KHDRBS2: variants seen among roughly 807,000 people sequenced by gnomAD.
KHDRBS2 encodes KH RNA binding domain containing, signal transduction associated 2, also known as KH domain-containing, RNA-binding, signal transduction-associated protein 2.
KHDRBS2 carries 26 observed loss-of-function variants against 44.3 expected under a neutral mutation model. That is an observed-to-expected ratio of 0.59 (90% CI 0.43 to 0.81). The LOEUF is 0.81. Among genes scored for constraint, KHDRBS2 ranks in the 40% least tolerant of loss-of-function variants. KHDRBS2 has a pLI of 0.00. For missense variants in KHDRBS2, 476 were observed against 433.1 expected (o/e 1.10, Z -0.88); for synonymous variants, 194 against 151.1 (o/e 1.28, Z -2.08).
At chr6:62,006,246 A>G (rs1779199014) in intron 3 of KHDRBS2, among the ~76,000 whole-genome samples, 1 of 152,034 alleles carries the variant, frequency 6.6e-6, no homozygotes, top group Non-Finnish European at 1.5e-5. Flanking sequence ...CTTAAAGGCA[A>G]CAATGGAAGA....
chr6:62,190,007 A>G (rs1824261102), intron 1 of KHDRBS2, among the ~76,000 whole-genome samples: 1 of 152,110 alleles, frequency 6.6e-6, no homozygotes, highest in Admixed American at 6.6e-5. Context: ...TCGAATTTAT[A>G]GGAGTGGGAG....
the KHDRBS2 span, among the ~76,000 whole-genome samples, chr6:61,612,239 T>C: frequency 1.3e-5 from 2 of 152,198 alleles, no homozygotes; most frequent in East Asian, 3.8e-4. Flanking sequence ...GGACACTTTT[T>C]CTAGATCCTC....
At chr6:61,877,893 T>A (rs546855937) in intron 6 of KHDRBS2, among the ~76,000 whole-genome samples, 1 of 151,926 alleles carries the variant, frequency 6.6e-6, no homozygotes, top group Non-Finnish European at 1.5e-5. Flanking sequence ...TTCATAAAAA[T>A]TATCTAAAAT....
intron 6 of KHDRBS2, among the ~76,000 whole-genome samples, chr6:61,789,948 T>C (rs2127584953): frequency 6.6e-6 from 1 of 151,616 alleles, no homozygotes; most frequent in South Asian, 2.1e-4. Flanking sequence ...CATGAGATGA[T>C]TATTATAATG....
At chr6:61,670,800 AGTT>A in the KHDRBS2 span, among the ~76,000 whole-genome samples, 1 of 149,960 alleles carries the variant, frequency 6.7e-6, no homozygotes. Context: ...TAATGTTAAC[AGTT>A]GTTATTTTTC....
At chr6:61,563,285 T>C in the KHDRBS2 span, among the ~76,000 whole-genome samples, 27 of 152,228 alleles carry the variant, frequency 1.8e-4, no homozygotes, top group South Asian at 5.6e-3. Flanking sequence ...GCTACTAGTA[T>C]GCAAATATGA....
In KHDRBS2 at chr6:61,901,249, A is replaced by G. The variant is rs746154455; in HGVS notation, c.606T>C (p.Pro202=). ...TAAAGTAAGAATGAATGTACCTTGA[A>G]GGAGCTGTGGGAGCTATTCTGATCC... ...GRGIRIAPTA[P]SRGRGGAIPP... is the part of the protein sequence containing the mutation. Residue 202 remains proline, a synonymous_variant, in exon 5 of 9, where the codon CCT becomes CCC. Transcript: ENST00000281156. 3 of 1,611,958 alleles carry G rather than the reference A, an allele frequency of 1.9e-6. No individual in the cohort carries two copies. Among genetic ancestry groups the G allele is most frequent in the Non-Finnish European group, 2.5e-6 (3 of 1,179,282 alleles).
chr6:61,574,902 C>A, the KHDRBS2 span, among the ~76,000 whole-genome samples: 4 of 151,934 alleles, frequency 2.6e-5, no homozygotes, highest in Admixed American at 6.6e-5. Context: ...GGGCGAAATA[C>A]CATCTCAAAA....
At chr6:61,557,876 A>T in the KHDRBS2 span, among the ~76,000 whole-genome samples, 14 of 152,180 alleles carry the variant, frequency 9.2e-5, no homozygotes, top group Non-Finnish European at 1.6e-4. Flanking sequence ...GGTAGGTTAC[A>T]TGTGTCTCGG....
intron 4 of KHDRBS2, among the ~76,000 whole-genome samples, chr6:61,955,676 A>G (rs71552589): frequency 0.3 from 31,347 of 104,754 alleles, 7,175 homozygotes; most frequent in Middle Eastern, 0.43. Flanking sequence ...ATATGTACAC[A>G]TATGTATGTA....
chr6:61,597,791 A>C, the KHDRBS2 span, among the ~76,000 whole-genome samples: 1 of 88,098 alleles, frequency 1.1e-5, no homozygotes, highest in East Asian at 3.6e-4. Context: ...GATTATTGCC[A>C]CCGGGAAAAG....
intron 3 of KHDRBS2, among the ~76,000 whole-genome samples, chr6:61,995,646 G>A (rs1177234004): frequency 6.6e-6 from 1 of 152,164 alleles, no homozygotes; most frequent in South Asian, 2.1e-4. Flanking sequence ...AAGTCAGGGT[G>A]AGTCTGAATG....
At chr6:61,863,661 T>A (rs1278887144) in intron 6 of KHDRBS2, among the ~76,000 whole-genome samples, 1 of 152,222 alleles carries the variant, frequency 6.6e-6, no homozygotes, top group African/African-American at 2.4e-5. Flanking sequence ...TTCTAACTAT[T>A]TTAGTTCTTC....
chr6:62,278,343 C>T lies in KHDRBS2; in HGVS notation c.91+7515G>A, dbSNP rs551791546. 2.7e-4 allele frequency among the ~76,000 whole-genome samples: 41 copies of T among 152,150 alleles called. 1 individual carries two copies. The South Asian group carries it at 8.3e-3, about 31-fold the overall frequency. ...CTCACTTCCTCCCCTTGTACAGCTGCTGTGGGAACAAACAGCTTCACTATA... is the reference window on the plus strand; with the variant it reads ...CTCACTTCCTCCCCTTGTACAGCTGTTGTGGGAACAAACAGCTTCACTATA... On this transcript the variant is annotated intron_variant, in intron 1 of 8. Coordinates refer to ENST00000281156, the MANE Select transcript of KHDRBS2 (RefSeq NM_152688.4).
the KHDRBS2 span, among the ~76,000 whole-genome samples, chr6:61,662,031 T>C: frequency 6.6e-6 from 1 of 152,090 alleles, no homozygotes; most frequent in South Asian, 2.1e-4. Context: ...AACAGCATGG[T>C]ACTGGTACCA....
intron 3 of KHDRBS2, among the ~76,000 whole-genome samples, chr6:62,037,299 A>G (rs1785485677): frequency 6.6e-6 from 1 of 151,910 alleles, no homozygotes; most frequent in Non-Finnish European, 1.5e-5. Context: ...TATAGGTAGG[A>G]GTGACTGTGG....
intron 3 of KHDRBS2, among the ~76,000 whole-genome samples, chr6:62,006,589 T>A (rs1166218992): frequency 6.6e-6 from 1 of 151,992 alleles, no homozygotes. Flanking sequence ...AACATTTAGA[T>A]TCAGCTAACA....
intron 2 of KHDRBS2, among the ~76,000 whole-genome samples, chr6:62,119,636 T>A (rs1448010344): frequency 2.0e-5 from 3 of 152,158 alleles, no homozygotes; most frequent in Non-Finnish European, 2.9e-5. Context: ...AGGACCCTGA[T>A]GAAGCTGGGG....
intron 2 of KHDRBS2, among the ~76,000 whole-genome samples, chr6:62,079,909 C>T (rs564876536): frequency 1.2e-4 from 19 of 152,048 alleles, no homozygotes; most frequent in Non-Finnish European, 2.7e-4. Context: ...AAAATTAATG[C>T]CTACAGACAT....
Sources: allele counts gnomAD v4.1 joint callset (sites outside exome capture counted in the v4.1 genomes callset), GRCh38; gene constraint gnomAD v4.1.1; transcripts MANE v1.5; gene names NCBI Gene and HGNC (gene_info 2026-07-23, HGNC 2026-07-21).